The following POC1B variants were observed in gnomAD, a reference collection of about 807,000 sequenced individuals.
The protein encoded by POC1B is POC1 centriolar protein B.
In POC1B, 44 loss-of-function variants were observed where a neutral mutation model predicts 60.6. That is an observed-to-expected ratio of 0.73 (90% confidence interval 0.57 to 0.93). The LOEUF (loss-of-function observed/expected upper bound fraction) is 0.93. POC1B is among the 40% of genes least tolerant of loss of function. POC1B has a pLI of 0.00. For synonymous variants in POC1B, 180 were observed against 198.9 expected, an observed-to-expected ratio of 0.90 and a Z score of 0.80; for missense variants, 555 against 572.3, an observed-to-expected ratio of 0.97 and a Z score of 0.31.
At chr12:89,514,168 C>A (rs1870323784) in intron 2 of POC1B, among the ~76,000 whole-genome samples, 1 of 152,020 alleles carries the variant, frequency 6.6e-6, no homozygotes, top group Non-Finnish European at 1.5e-5. Context: ...TTCCCCCTTG[C>A]CGTTCTCGTG....
chr12:89,413,527 T>C, the POC1B span, among the ~76,000 whole-genome samples: 5 of 152,172 alleles, frequency 3.3e-5, no homozygotes, highest in African/African-American at 1.2e-4. Flanking sequence ...CTTTACTACA[T>C]GTTGGGGTTT....
chr12:89,512,432 T>C lies in POC1B; in HGVS notation c.100+12688A>G, dbSNP rs184024690. Among the ~76,000 whole-genome samples, 18 of 152,180 alleles carry C rather than the reference T, an allele frequency of 1.2e-4. No homozygotes were observed. In the East Asian group the frequency reaches 3.1e-3, roughly 26 times the overall value. The stretch of plus-strand genomic sequence containing the variant: ...AACAACAACAGAAACCTTTACTGAA[T>C]TGGTACCATGGGCCTAGTATTTTTC... On this transcript the variant is annotated intron_variant, in intron 2 of 11. Coordinates refer to ENST00000313546, the MANE Select transcript of POC1B (RefSeq NM_172240.3).
At chr12:89,402,366 CACA>C in the POC1B span, among the ~76,000 whole-genome samples, 1 of 151,520 alleles carries the variant, frequency 6.6e-6, no homozygotes, top group Non-Finnish European at 1.5e-5. Context: ...CACACACACA[CACA>C]CCCCTTTAAA....
chr12:89,421,331 G>C, intron 11 of POC1B, 74 bp from the exon 12 acceptor site: 2 of 1,269,712 alleles, frequency 1.6e-6, no homozygotes, highest in Non-Finnish European at 2.2e-6. Context: ...TCTCTGCATA[G>C]GAAATCCTTT....
At chr12:89,509,954 T>C (rs1475388077) in intron 2 of POC1B, among the ~76,000 whole-genome samples, 1 of 152,246 alleles carries the variant, frequency 6.6e-6, no homozygotes, top group Non-Finnish European at 1.5e-5. Context: ...CAAGTGATTC[T>C]TGTGCCTCAG....
chr12:89,434,732 A>C (rs1881180372), intron 10 of POC1B, among the ~76,000 whole-genome samples: 1 of 152,244 alleles, frequency 6.6e-6, no homozygotes, highest in Non-Finnish European at 1.5e-5. Context: ...TTTGAAGGGC[A>C]TTCAGAGTAA....
At chr12:89,467,518 T>G in intron 8 of POC1B, 99 bp downstream of exon 8, 1 of 960,986 alleles carries the variant, frequency 1.0e-6, no homozygotes, top group Non-Finnish European at 1.6e-6. Context: ...TTGACAAACA[T>G]CTTAACATAC....
intron 2 of POC1B, chr12:89,501,957 G>T (rs1054733900): frequency 3.0e-6 from 3 of 985,614 alleles, no homozygotes; most frequent in Non-Finnish European, 5.0e-6. Context: ...GTGAGCCATT[G>T]GAAAGTGATG....
intron 2 of POC1B, chr12:89,524,463 G>C (rs374830028): frequency 6.2e-7 from 1 of 1,613,728 alleles, no homozygotes; most frequent in African/African-American, 1.3e-5. Context: ...GAAAAGTAGA[G>C]ACCAAGAGCT....
Position 89,463,703 on chromosome 12 carries a change from G to A in POC1B, c.1032+3067C>T, listed in dbSNP as rs116860938. ...GTAGTTAGATAAGTAGGAAGAACCC[G>A]GGAGGGGGCTATTTCACATAGAGAG... On this transcript the variant is annotated intron_variant, in intron 9 of 11. Coordinates refer to ENST00000313546, the MANE Select transcript of POC1B (RefSeq NM_172240.3). Among the ~76,000 whole-genome samples, 87 of 152,288 alleles carry A rather than the reference G, an allele frequency of 5.7e-4. 1 individual carries two copies. The East Asian group carries it at 0.015, about 27-fold the overall frequency.
the POC1B span, among the ~76,000 whole-genome samples, chr12:89,405,699 T>A: frequency 6.6e-6 from 1 of 152,140 alleles, no homozygotes; most frequent in Non-Finnish European, 1.5e-5. Flanking sequence ...CTCACACCTG[T>A]AATCCTGCAC....
downstream of POC1B, among the ~76,000 whole-genome samples, chr12:89,418,637 C>T (rs537738351): frequency 1.3e-5 from 2 of 152,076 alleles, no homozygotes; most frequent in African/African-American, 2.4e-5. Context: ...GTGCCCTCCT[C>T]GAAGTAGAGA....
At chr12:89,448,979 C>T (rs1044896097) in intron 10 of POC1B, among the ~76,000 whole-genome samples, 3 of 152,218 alleles carry the variant, frequency 2.0e-5, no homozygotes, top group African/African-American at 4.8e-5. Flanking sequence ...CAGTACTTTC[C>T]GTTTTTTTCC....
chr12:89,451,004 T>C (rs1882021065), intron 10 of POC1B, among the ~76,000 whole-genome samples: 1 of 152,102 alleles, frequency 6.6e-6, no homozygotes, highest in South Asian at 2.1e-4. Flanking sequence ...TGAAACTAGC[T>C]CCCTAGAGTT....
chr12:89,451,193 C>T lies in POC1B; in HGVS notation c.1113+8445G>A, dbSNP rs941504134. ...TATCTCCCCTTCAACTTAAAACAAACAACTCTATGTGCTTCAGAAAAATAA... is the reference window on the plus strand; with the variant it reads ...TATCTCCCCTTCAACTTAAAACAAATAACTCTATGTGCTTCAGAAAAATAA... On this transcript the variant is annotated intron_variant, in intron 10 of 11. Transcript: ENST00000313546. 6.6e-5 allele frequency among the ~76,000 whole-genome samples: 10 copies of T among 152,216 alleles called. No individual in the cohort carries two copies. The East Asian group carries it at 1.9e-3, about 29-fold the overall frequency.
intron 2 of POC1B, chr12:89,500,823 G>A (rs1023101294): frequency 9.7e-7 from 1 of 1,032,042 alleles, no homozygotes; most frequent in East Asian, 2.6e-5. Context: ...AAAACCATCA[G>A]GATCATCTCA....
At chr12:89,464,809 A>G (rs933956951) in intron 9 of POC1B, among the ~76,000 whole-genome samples, 1 of 151,774 alleles carries the variant, frequency 6.6e-6, no homozygotes, top group African/African-American at 2.4e-5. Context: ...CAGGAAAAAA[A>G]AAAAAAAAAG....
chr12:89,523,487 G>A, intron 2 of POC1B: 1 of 1,612,316 alleles, frequency 6.2e-7, no homozygotes, highest in Non-Finnish European at 8.5e-7. Flanking sequence ...GAACACGGGT[G>A]GATCTCCAAT....
chr12:89,425,094 C>T, intron 11 of POC1B, 67 bp downstream of exon 11: 1 of 1,497,216 alleles, frequency 6.7e-7, no homozygotes, highest in Non-Finnish European at 9.2e-7. Flanking sequence ...CTGCAACTTG[C>T]TGTATCCAGA....
Sources: allele counts gnomAD v4.1 joint callset (sites outside exome capture counted in the v4.1 genomes callset), GRCh38; gene constraint gnomAD v4.1.1; transcripts MANE v1.5; gene names NCBI Gene and HGNC (gene_info 2026-07-23, HGNC 2026-07-21).